Variants in CSMD1 observed in about 807,000 individuals in gnomAD.
The protein encoded by CSMD1 is CUB and sushi domain-containing protein 1.
In CSMD1, 213 loss-of-function variants were observed where a neutral mutation model predicts 417.5. The observed-to-expected ratio is 0.51, with a 90% CI of 0.46 to 0.57. The LOEUF (loss-of-function observed/expected upper bound fraction) is 0.57, where lower values mean the gene tolerates loss of function less well. Ranked by LOEUF, CSMD1 falls within the 20% of genes least tolerant of loss-of-function variation. The probability of loss-of-function intolerance (pLI) is 0.00; values close to 1 mark genes in which losing one functional copy is unlikely to be tolerated. For synonymous variants in CSMD1, 2,862 were observed against 1,736.8 expected (o/e 1.65, Z -16.11); for missense variants, 6,923 against 4,529.7 (o/e 1.53, Z -15.17).
At chr8:4,693,354 A>C (rs1462289124) in intron 1 of CSMD1, among the ~76,000 whole-genome samples, 1 of 152,216 alleles carries the variant, frequency 6.6e-6, no homozygotes, top group Non-Finnish European at 1.5e-5. Flanking sequence ...GGTGCATCTT[A>C]TGTGAGTAGA....
intron 10 of CSMD1, among the ~76,000 whole-genome samples, chr8:3,554,508 A>G (rs1192933225): frequency 1.3e-5 from 2 of 152,178 alleles, no homozygotes; most frequent in Non-Finnish European, 2.9e-5. Flanking sequence ...GCAAGGCCAC[A>G]TAAATGTGGA....
At chr8:4,926,212 GGCT>G (rs1163191810) in intron 1 of CSMD1, among the ~76,000 whole-genome samples, 1 of 152,170 alleles carries the variant, frequency 6.6e-6, no homozygotes, top group African/African-American at 2.4e-5. Flanking sequence ...TAAAGAAAGA[GGCT>G]GCTATTACAT....
chr8:3,222,067 T>A (rs1176375846), intron 28 of CSMD1, among the ~76,000 whole-genome samples: 1 of 152,130 alleles, frequency 6.6e-6, no homozygotes, highest in East Asian at 1.9e-4. Flanking sequence ...CTTGAGCACA[T>A]GCAAACTCCA....
chr8:4,111,072 C>A (rs189782369), intron 3 of CSMD1, among the ~76,000 whole-genome samples: 259 of 152,238 alleles, frequency 1.7e-3, no homozygotes, highest in Middle Eastern at 6.8e-3. Context: ...ATGGAAAAAT[C>A]TGGTAGAAAT....
intron 10 of CSMD1, among the ~76,000 whole-genome samples, chr8:3,503,761 C>T (rs1472531818): frequency 6.6e-6 from 1 of 152,154 alleles, no homozygotes; most frequent in Non-Finnish European, 1.5e-5. Flanking sequence ...TCTCAGCCCA[C>T]CTGTGGTTTC....
chr8:4,079,032 G>A (rs948716583), intron 3 of CSMD1, among the ~76,000 whole-genome samples: 1 of 150,640 alleles, frequency 6.6e-6, no homozygotes, highest in African/African-American at 2.5e-5. Context: ...TTGTGTCCAG[G>A]TATGGACCCG....
At chr8:3,241,953 A>G (rs1037157211) in intron 26 of CSMD1, among the ~76,000 whole-genome samples, 1 of 142,782 alleles carries the variant, frequency 7.0e-6, no homozygotes, top group Non-Finnish European at 1.5e-5. Flanking sequence ...AATAAAATGT[A>G]TATTGAGAAT....
chr8:4,466,329 A>T (rs1381019998), intron 2 of CSMD1, among the ~76,000 whole-genome samples: 1 of 152,150 alleles, frequency 6.6e-6, no homozygotes, highest in African/African-American at 2.4e-5. Context: ...GAAGAAAGAA[A>T]GGGAAGAAAA....
At chr8:3,859,458 G>C (rs903925012) in intron 5 of CSMD1, among the ~76,000 whole-genome samples, 1 of 152,170 alleles carries the variant, frequency 6.6e-6, no homozygotes, top group South Asian at 2.1e-4. Context: ...CCTGGACTTT[G>C]TGCTTGGTTT....
At chr8:3,033,113 T>A (rs1044992793) in intron 50 of CSMD1, among the ~76,000 whole-genome samples, 30 of 147,214 alleles carry the variant, frequency 2.0e-4, no homozygotes, top group African/African-American at 6.6e-4. Flanking sequence ...ATAAAAAAAA[T>A]TTAAAGATAT....
intron 12 of CSMD1, among the ~76,000 whole-genome samples, 158 bp downstream of exon 12, chr8:3,468,553 AG>A (rs2117186414): frequency 6.6e-6 from 1 of 152,304 alleles, no homozygotes; most frequent in East Asian, 1.9e-4. Flanking sequence ...CATTCACGAA[AG>A]CGAGTGTTAG....
intron 5 of CSMD1, among the ~76,000 whole-genome samples, chr8:3,979,734 A>C (rs1244979782): frequency 6.6e-6 from 1 of 152,226 alleles, no homozygotes; most frequent in Admixed American, 6.5e-5. Flanking sequence ...CCTTGATCCT[A>C]AACTTCTAGC....
rs367692622 is a variant in CSMD1 at position 4,028,094 on chromosome 8, G to GA, written c.610+3810dup. Among the ~76,000 whole-genome samples the GA allele has an allele frequency of 2.9e-3, 436 of 151,744 alleles. 3 individuals are homozygous for GA. Among genetic ancestry groups the GA allele is most frequent in the African/African-American group, 0.01 (415 of 41,398 alleles). On this transcript the variant is annotated intron_variant, in intron 4 of 69. Coordinates refer to ENST00000635120, the MANE Select transcript of CSMD1 (RefSeq NM_033225.6). ...CATAAAGATGAAAAGTAATTAATAA[G>GA]AAAAAAATGAAAATGGACATAATAA... is the stretch of plus-strand genomic sequence containing the variant.
chr8:3,941,782 A>C (rs1387699203), intron 5 of CSMD1, among the ~76,000 whole-genome samples: 4 of 152,112 alleles, frequency 2.6e-5, no homozygotes, highest in African/African-American at 9.7e-5. Context: ...CTTTGATTCC[A>C]ATTTTTCCTC....
rs558090456 is a variant in CSMD1 at position 4,314,651 on chromosome 8, A to T, written c.415+105302T>A. Among the ~76,000 whole-genome samples, 88 of 152,208 alleles carry T rather than the reference A, an allele frequency of 5.8e-4. 2 individuals are homozygous for T. Among genetic ancestry groups the T allele is most frequent in the African/African-American group, 2.0e-3 (83 of 41,526 alleles). Reference sequence around the variant, plus strand: ...CAAAAGCAATGTAATGTACTATTACATTACCATTTGTGAGTTAAGTGTTAG... The same window carrying T: ...CAAAAGCAATGTAATGTACTATTACTTTACCATTTGTGAGTTAAGTGTTAG... On this transcript the variant is annotated intron_variant, in intron 3 of 69. Coordinates refer to ENST00000635120, the MANE Select transcript of CSMD1 (RefSeq NM_033225.6).
At chr8:3,747,011 G>C (rs1187476756) in intron 6 of CSMD1, among the ~76,000 whole-genome samples, 2 of 152,156 alleles carry the variant, frequency 1.3e-5, no homozygotes, top group Non-Finnish European at 2.9e-5. Context: ...CTTTCATTAG[G>C]AATTTTATTT....
At position 2,999,999 on chromosome 8, in the gene CSMD1, A is replaced by G. The variant is rs1223977257; in HGVS notation, c.8162T>C (p.Leu2721Pro). 1.2e-6 allele frequency: 2 copies of G among 1,609,466 alleles called. No individual in the cohort carries two copies. The highest frequency in any genetic ancestry group is 1.7e-6 in the Non-Finnish European group (2 of 1,179,028). ...RLVGTSVRIC[L>P]QDHKWSGQTP... ...TTGTCCAGACCACTTGTGGTCTTGC[A>G]GGCATATCCTCACGGAAGTTCCCAC... Residue 2721 changes from leucine to proline, a missense_variant, in exon 53 of 70, where the codon CTG (leucine) becomes CCG (proline). Physicochemically the swap from Leu to Pro is moderately conservative, Grantham distance 98 (BLOSUM62 -3). Transcript: ENST00000635120.
chr8:2,948,337 T>G (rs974172247), intron 68 of CSMD1, among the ~76,000 whole-genome samples: 12 of 152,000 alleles, frequency 7.9e-5, no homozygotes, highest in Non-Finnish European at 1.6e-4. Context: ...TGACCCATCC[T>G]AGATGACAAA....
intron 2 of CSMD1, among the ~76,000 whole-genome samples, chr8:4,621,444 T>G (rs77299319): frequency 0.057 from 8,610 of 152,168 alleles, 299 homozygotes; most frequent in Non-Finnish European, 0.076. Flanking sequence ...CCTACACATT[T>G]AAAAAGCAGA....
Sources: allele counts gnomAD v4.1 joint callset (sites outside exome capture counted in the v4.1 genomes callset), GRCh38; gene constraint gnomAD v4.1.1; transcripts MANE v1.5; gene names NCBI Gene and HGNC (gene_info 2026-07-23, HGNC 2026-07-21).